LRRC8C: variants seen among roughly 807,000 people sequenced by gnomAD.
The protein encoded by LRRC8C is leucine rich repeat containing 8 VRAC subunit C.
LRRC8C carries 20 observed loss-of-function variants against 55.3 expected under a neutral mutation model. The ratio of observed to expected loss-of-function variants is 0.36; its 90% CI spans 0.25 to 0.53. The LOEUF (loss-of-function observed/expected upper bound fraction) is 0.53, where lower values mean the gene tolerates loss of function less well. LRRC8C is among the 20% of genes least tolerant of loss of function. LRRC8C has a pLI of 0.92. For synonymous variants in LRRC8C, 376 were observed against 360.7 expected (o/e 1.04, Z -0.48); for missense variants, 659 against 951.4 (o/e 0.69, Z 4.04).
Position 89,714,207 on chromosome 1 carries a change from TTCTC to T in LRRC8C, c.1641_1644del (p.Ile549LysfsTer31). ...CTGCGGGATCTCAAAAGCCTTAAAA[TTCTC>T]TCTATCAAAAGCAACGTTTCCAAAA... On this transcript the variant is annotated frameshift_variant, in exon 3 of 3. Transcript: ENST00000370454. LOFTEE classifies it high-confidence loss of function. The surrounding 1 kb of genome is among the most constrained non-coding windows in gnomAD (Gnocchi z 4.6). 6.2e-7 allele frequency: 1 copy of T among 1,614,098 alleles called. No individual in the cohort carries two copies. The highest frequency in any genetic ancestry group is 8.5e-7 in the Non-Finnish European group (1 of 1,180,026).
intron 1 of LRRC8C, among the ~76,000 whole-genome samples, chr1:89,667,103 A>C (rs1197034288): frequency 6.6e-6 from 1 of 152,144 alleles, no homozygotes; most frequent in Non-Finnish European, 1.5e-5. Context: ...GTGAGAAAAC[A>C]ATATTCATGC....
intron 2 of LRRC8C, among the ~76,000 whole-genome samples, chr1:89,687,504 A>G (rs1167663402): frequency 2.0e-5 from 3 of 152,210 alleles, no homozygotes; most frequent in Non-Finnish European, 4.4e-5. Context: ...AGCTGAAGCC[A>G]TGCTTGCAAA....
intron 2 of LRRC8C, 132 bp from the exon 3 acceptor site, chr1:89,712,577 G>A: frequency 6.2e-6 from 4 of 646,006 alleles, no homozygotes; most frequent in Non-Finnish European, 1.1e-5. Context: ...CTTGATGCTG[G>A]AATTGAACGT....
At chr1:89,696,943 C>G (rs1429870403) in intron 2 of LRRC8C, among the ~76,000 whole-genome samples, 1 of 152,086 alleles carries the variant, frequency 6.6e-6, no homozygotes, top group African/African-American at 2.4e-5. Context: ...TGTGTGGAAC[C>G]TGTCTTATCC....
upstream of LRRC8C, chr1:89,632,764 A>C (rs1297501213): frequency 6.6e-6 from 1 of 152,264 alleles, no homozygotes; most frequent in African/African-American, 2.4e-5. Flanking sequence ...ACGCAGCCGA[A>C]TCCTCCCTCA....
chr1:89,680,151 C>A (rs576812945), intron 1 of LRRC8C, among the ~76,000 whole-genome samples: 1 of 150,968 alleles, frequency 6.6e-6, no homozygotes, highest in Non-Finnish European at 1.5e-5. Flanking sequence ...AATCTCAGCT[C>A]ACTGCAAGCT....
At chr1:89,625,723 G>A in the LRRC8C span, among the ~76,000 whole-genome samples, 1 of 152,180 alleles carries the variant, frequency 6.6e-6, no homozygotes, top group Non-Finnish European at 1.5e-5. Context: ...ACCGTGATAA[G>A]GTTTCCTGAG....
intron 2 of LRRC8C, among the ~76,000 whole-genome samples, chr1:89,701,858 G>GGT (rs1320438934): frequency 3.3e-5 from 5 of 152,086 alleles, no homozygotes; most frequent in Non-Finnish European, 5.9e-5. Flanking sequence ...ACGCTGAATG[G>GGT]GTCTGAATCA....
intron 2 of LRRC8C, among the ~76,000 whole-genome samples, chr1:89,691,501 A>T (rs1658027398): frequency 6.6e-6 from 1 of 152,224 alleles, no homozygotes; most frequent in Admixed American, 6.5e-5. Flanking sequence ...ATTCCCACAC[A>T]GCAGAATTGT....
At chr1:89,686,675 T>C (rs1570725128) in intron 2 of LRRC8C, 64 bp downstream of exon 2, 1 of 1,565,420 alleles carries the variant, frequency 6.4e-7, no homozygotes, top group Non-Finnish European at 8.7e-7. Flanking sequence ...GAAACCTCTT[T>C]AGGGAGCTGG....
chr1:89,656,831 T>C (rs1158299287), intron 1 of LRRC8C, among the ~76,000 whole-genome samples: 1 of 152,200 alleles, frequency 6.6e-6, no homozygotes, highest in Non-Finnish European at 1.5e-5. Flanking sequence ...ATTTTTTTTA[T>C]TCAAAGTTTA....
At chr1:89,620,605 A>G in the LRRC8C span, among the ~76,000 whole-genome samples, 2 of 150,550 alleles carry the variant, frequency 1.3e-5, no homozygotes, top group Non-Finnish European at 3.0e-5. Flanking sequence ...AAAATAGGCG[A>G]TTTCCTACTG....
intron 2 of LRRC8C, among the ~76,000 whole-genome samples, chr1:89,709,256 C>T (rs958864937): frequency 3.3e-5 from 5 of 152,252 alleles, no homozygotes; most frequent in African/African-American, 1.2e-4. Flanking sequence ...CCTGTTCTGC[C>T]ATTTCCTAGC....
chr1:89,648,147 AT>A (rs1656663896), intron 1 of LRRC8C, among the ~76,000 whole-genome samples: 1 of 152,242 alleles, frequency 6.6e-6, no homozygotes, highest in African/African-American at 2.4e-5. Context: ...GAAGAAAAAA[AT>A]ATGTTTATAA....
chr1:89,661,634 G>A (rs1276799015), intron 1 of LRRC8C, among the ~76,000 whole-genome samples: 2 of 152,110 alleles, frequency 1.3e-5, no homozygotes, highest in African/African-American at 2.4e-5. Context: ...TGGGCATTAG[G>A]GACAAAACAT....
the LRRC8C span, among the ~76,000 whole-genome samples, chr1:89,621,226 C>A: frequency 6.6e-6 from 1 of 150,512 alleles, no homozygotes; most frequent in African/African-American, 2.4e-5. Context: ...TTTGGGAGGC[C>A]AAGGCGGGCA....
chr1:89,653,471 A>G (rs754434190), intron 1 of LRRC8C, among the ~76,000 whole-genome samples: 5 of 152,246 alleles, frequency 3.3e-5, no homozygotes, highest in Non-Finnish European at 7.3e-5. Context: ...TAAAAGGCCA[A>G]TAATGTTTAG....
intron 1 of LRRC8C, among the ~76,000 whole-genome samples, chr1:89,652,357 G>A (rs1408862928): frequency 2.0e-5 from 3 of 152,150 alleles, no homozygotes; most frequent in East Asian, 3.8e-4. Flanking sequence ...AATCTGAGGA[G>A]CAATTTTGCA....
chr1:89,631,308 A>G (rs1656101290), upstream of LRRC8C, among the ~76,000 whole-genome samples: 1 of 152,202 alleles, frequency 6.6e-6, no homozygotes, highest in Non-Finnish European at 1.5e-5. Context: ...CTGGAAGAAT[A>G]GGGATTTCAT....
Sources: allele counts gnomAD v4.1 joint callset (sites outside exome capture counted in the v4.1 genomes callset), GRCh38; gene constraint gnomAD v4.1.1; non-coding constraint Gnocchi (gnomAD v3.1); transcripts MANE v1.5; gene names NCBI Gene and HGNC (gene_info 2026-07-23, HGNC 2026-07-21).